REXO1: variants seen among roughly 807,000 people sequenced by gnomAD.
REXO1 encodes the protein REX1, RNA exonuclease 1 homolog.
Under a neutral mutation model 102.6 loss-of-function variants are expected in REXO1, and 42 were observed. The ratio of observed to expected loss-of-function variants is 0.41; its 90% CI spans 0.32 to 0.53. REXO1 has a LOEUF of 0.53. Ranked by LOEUF, REXO1 falls within the 20% of genes least tolerant of loss-of-function variation. REXO1 has a pLI of 0.27. For missense variants in REXO1, 1,819 were observed against 1,732.5 expected (o/e 1.05, Z -0.89); for synonymous variants, 908 against 779.1 (o/e 1.17, Z -2.76).
At position 1,826,017 on chromosome 19, in the gene REXO1, C is replaced by T. The variant is rs946035741; in HGVS notation, c.1912-74G>A. 4 of 1,093,292 alleles carry T rather than the reference C, an allele frequency of 3.7e-6. No homozygotes were observed. Among genetic ancestry groups the T allele is most frequent in the Non-Finnish European group, 5.6e-6 (4 of 715,116 alleles). The allele number at this position is 1,093,292 out of a possible 1,614,324, so 67.7% of individuals were successfully genotyped here. A position where few individuals can be genotyped will look rare whatever the true frequency, so the allele number is the denominator to read the frequency against. ...ACCAACACACCCCAACCTCAAACTG[C>T]CCCCGGCAAGTGGGGAATGGAACAG... On this transcript the variant is annotated intron_variant, in intron 2 of 15. Coordinates refer to ENST00000170168, the MANE Select transcript of REXO1 (RefSeq NM_020695.4). This position sits in a 1 kb window ranked among gnomAD's most constrained non-coding sequence, Gnocchi z 4.3.
At chr19:1,844,878 C>A (rs74570117) in intron 1 of REXO1, among the ~76,000 whole-genome samples, 2,085 of 152,332 alleles carry the variant, frequency 0.014, 48 homozygotes, top group African/African-American at 0.048. Context: ...TCAGCCTCTG[C>A]CTCCCTCAGG....
At chr19:1,825,009 A>G (rs1039190217) in intron 3 of REXO1, among the ~76,000 whole-genome samples, 1 of 144,488 alleles carries the variant, frequency 6.9e-6, no homozygotes, top group Non-Finnish European at 1.5e-5. Flanking sequence ...CTGGTCTCGA[A>G]CTCCTGACCT....
chr19:1,817,304 T>TCC lies in REXO1; in HGVS notation c.3114_3115dup (p.Glu1039GlyfsTer8). ...GGTCTTCACGAAGCCCTCAAGGCGC[T>TCC]CCTTCCGGCCATCCTGCACGTGTTG... On this transcript the variant is annotated frameshift_variant, in exon 12 of 16. Coordinates refer to ENST00000170168, the MANE Select transcript of REXO1 (RefSeq NM_020695.4). LOFTEE classifies it high-confidence loss of function. The TCC allele has an allele frequency of 6.2e-7, 1 of 1,612,890 alleles. No homozygotes were observed. The highest frequency in any genetic ancestry group is 1.1e-5 in the South Asian group (1 of 91,084).
At chr19:1,843,518 A>C (rs2011394592) in intron 1 of REXO1, among the ~76,000 whole-genome samples, 1 of 152,192 alleles carries the variant, frequency 6.6e-6, no homozygotes, top group Non-Finnish European at 1.5e-5. Context: ...CAGTGTCCCT[A>C]GCACCAACCG....
chr19:1,840,463 G>T (rs529940860), intron 1 of REXO1, among the ~76,000 whole-genome samples: 32 of 152,106 alleles, frequency 2.1e-4, no homozygotes, highest in Non-Finnish European at 3.5e-4. Context: ...GAGCCCCATC[G>T]GCGGCAAGCT....
intron 1 of REXO1, among the ~76,000 whole-genome samples, chr19:1,843,810 T>G (rs1178758604): frequency 1.3e-5 from 2 of 152,216 alleles, no homozygotes; most frequent in Admixed American, 6.5e-5. Flanking sequence ...GTGCCTTCAC[T>G]GCCCCACGGA....
chr19:1,828,849 C>T (rs1402903798), intron 1 of REXO1, among the ~76,000 whole-genome samples: 4 of 152,244 alleles, frequency 2.6e-5, no homozygotes, highest in East Asian at 1.9e-4. Flanking sequence ...GACCAATGGG[C>T]GCTGGATGGG....
intron 1 of REXO1, among the ~76,000 whole-genome samples, chr19:1,845,720 G>A (rs1052209888): frequency 1.3e-5 from 2 of 152,178 alleles, no homozygotes; most frequent in Non-Finnish European, 2.9e-5. Context: ...GAGCCCAGAA[G>A]GAAACCTGAG....
In REXO1 at chr19:1,828,301, G is replaced by A. The variant is rs1345055554; in HGVS notation, c.488C>T (p.Ala163Val). ...PGSHGLLSPD[A>V]GYQPTPLAAP... ...GGCCAGTGGGGTGGGCTGGTAGCCGGCATCAGGGCTTAATAGGCCGTGGCT... is the reference window on the plus strand; with the variant it reads ...GGCCAGTGGGGTGGGCTGGTAGCCGACATCAGGGCTTAATAGGCCGTGGCT... Residue 163 changes from alanine to valine, a missense_variant, in exon 2 of 16, where the codon GCC (alanine) becomes GTC (valine). By Grantham distance (64) the Ala-to-Val change is moderately conservative (BLOSUM62 0). Coordinates refer to ENST00000170168, the MANE Select transcript of REXO1 (RefSeq NM_020695.4). The A allele has an allele frequency of 1.2e-6, 2 of 1,607,678 alleles. No individual in the cohort carries two copies. The highest frequency in any genetic ancestry group is 4.5e-5 in the East Asian group (2 of 44,726).
rs1312178327 is a variant in REXO1, at chr19:1,820,380, TG to T, written c.2409del (p.Ile804LeufsTer37). 6.2e-7 allele frequency: 1 copy of T among 1,613,346 alleles called. No homozygotes were observed. Among genetic ancestry groups the T allele is most frequent in the Non-Finnish European group, 8.5e-7 (1 of 1,179,856 alleles). Reference protein sequence around the residue: ...HSPSLQSLKKPIIPKEFGGKV... With the variant: ...HSPSLQSLKKXIIPKEFGGKV... ...TTGCCCCCAAACTCTTTGGGGATAA[TG>T]GGTTTCTTTAAACTCTAGAGGGAAG... is the stretch of plus-strand genomic sequence containing the variant. On this transcript the variant is annotated frameshift_variant, in exon 6 of 16. Transcript: ENST00000170168. LOFTEE classifies it high-confidence loss of function.
At position 1,817,629 on chromosome 19, in the gene REXO1, C is replaced by A; in HGVS notation, c.3090+78G>T. The A allele has an allele frequency of 3.3e-6, 5 of 1,501,718 alleles. No homozygotes were observed. In the Admixed American group the frequency reaches 9.8e-5, roughly 29 times the overall value. The allele number at this position is 1,501,718 out of a possible 1,614,324, so 93.0% of individuals were successfully genotyped here. A position where few individuals can be genotyped will look rare whatever the true frequency, so the allele number is the denominator to read the frequency against. On this transcript the variant is annotated intron_variant, in intron 11 of 15. Transcript: ENST00000170168. ...CCCTGAGCCCAGGACTGTGCTGTGT[C>A]CCGAGACCCCACACCAACGATGGGG... is the stretch of plus-strand genomic sequence containing the variant.
chr19:1,816,506 G>A lies in REXO1; in HGVS notation c.3381C>T (p.Ala1127=), dbSNP rs140011325. Residue 1127 remains alanine (A), a synonymous_variant, in exon 14 of 16, where the codon GCC becomes GCT. Coordinates refer to ENST00000170168, the MANE Select transcript of REXO1 (RefSeq NM_020695.4). ...DTSVTLRDVQ[A]VLLSMFSADT... is the part of the protein sequence containing the mutation. The stretch of plus-strand genomic sequence containing the variant: ...CAGCGCTGAACATGCTCAGCAGAAC[G>A]GCCTGGACGTCACGCAGCGTGACAC... 19 of 1,612,292 alleles carry A rather than the reference G, an allele frequency of 1.2e-5. No homozygotes were observed. The highest frequency in any genetic ancestry group is 5.3e-5 in the African/African-American group (4 of 74,878).
chr19:1,819,375 CAA>C (rs2069466421), intron 7 of REXO1, among the ~76,000 whole-genome samples: 1 of 152,204 alleles, frequency 6.6e-6, no homozygotes, highest in African/African-American at 2.4e-5. Flanking sequence ...GCCCCACACC[CAA>C]AGTCTTCGTC....
chr19:1,845,925 G>A (rs1467531836), intron 1 of REXO1, among the ~76,000 whole-genome samples: 1 of 152,162 alleles, frequency 6.6e-6, no homozygotes, highest in Non-Finnish European at 1.5e-5. Context: ...TGGCCAGGTG[G>A]TAGTATGGGC....
At chr19:1,829,870 T>C (rs2145292461) in intron 1 of REXO1, among the ~76,000 whole-genome samples, 1 of 152,264 alleles carries the variant, frequency 6.6e-6, no homozygotes, top group Non-Finnish European at 1.5e-5. Context: ...TTTGAACTCG[T>C]AGACTCAAGC....
At position 1,827,438 on chromosome 19, in the gene REXO1, G is replaced by A. The variant is rs1462050467; in HGVS notation, c.1351C>T (p.Pro451Ser). The change falls in exon 2 of 16, where the codon CCT becomes TCT. Residue 451 changes from proline (P) to serine (S), a missense_variant. Transcript: ENST00000170168. ...CTCGGCCGCCGCGCTGGCCGGTCAG[G>A]CCTCCCTTTCCCTGAGGTGGCCACA... is the stretch of plus-strand genomic sequence containing the variant. ...TPVATSGKGR[P>S]DRPARRPSPT... is the part of the protein sequence containing the mutation. 3.2e-6 allele frequency: 5 copies of A among 1,556,454 alleles called. No individual in the cohort carries two copies. Among genetic ancestry groups the A allele is most frequent in the Non-Finnish European group, 4.3e-6 (5 of 1,161,684 alleles).
At chr19:1,817,105 G>T (rs553592740) in intron 12 of REXO1, 114 bp downstream of exon 12, 2 of 1,304,290 alleles carry the variant, frequency 1.5e-6, no homozygotes, top group Non-Finnish European at 2.1e-6. Context: ...TGCTGCGAGA[G>T]AAACCCTGAG....
Position 1,818,615 on chromosome 19 carries a change from T to C in REXO1, c.2903-20A>G, listed in dbSNP as rs756163334. 86 of 1,607,758 alleles carry C rather than the reference T, an allele frequency of 5.3e-5. No individual in the cohort carries two copies. The South Asian group carries it at 8.7e-4, about 16-fold the overall frequency. On this transcript the variant is annotated intron_variant, in intron 9 of 15. Coordinates refer to ENST00000170168, the MANE Select transcript of REXO1 (RefSeq NM_020695.4). Reference sequence around the variant, plus strand: ...AGGAAGCTGTGGGTGGGGACCCAGGTGGAAGCTGAGGCTCACGCTGGGGCC... The same window carrying C: ...AGGAAGCTGTGGGTGGGGACCCAGGCGGAAGCTGAGGCTCACGCTGGGGCC...
chr19:1,848,226 C>T lies in REXO1; in HGVS notation c.133G>A (p.Gly45Ser). 1 of 1,226,820 alleles carries T rather than the reference C, an allele frequency of 8.2e-7. No homozygotes were observed. Among genetic ancestry groups the T allele is most frequent in the Non-Finnish European group, 1.0e-6 (1 of 981,508 alleles). 76.0% of individuals were successfully genotyped at this position (1,226,820 alleles called of 1,614,324 possible). ...CCTGCTGCGGGGGGCGCCTCTCCGCCGTCACCGGGCGCGCCGGAGCCCCGG... is the reference window on the plus strand; with the variant it reads ...CCTGCTGCGGGGGGCGCCTCTCCGCTGTCACCGGGCGCGCCGGAGCCCCGG... ...GARGSGAPGD[G>S]GEAPPAAGLG... Residue 45 changes from glycine (G) to serine (S), a missense_variant, in exon 1 of 16, where the codon GGC (glycine) becomes AGC (serine). Physicochemically the swap from Gly to Ser is moderately conservative, Grantham distance 56. Coordinates refer to ENST00000170168, the MANE Select transcript of REXO1 (RefSeq NM_020695.4).
Sources: gnomAD v4.1 joint callset for allele counts (sites outside exome capture counted in the v4.1 genomes callset) on GRCh38, gnomAD v4.1.1 for gene constraint, Gnocchi (gnomAD v3.1) non-coding constraint, MANE v1.5 for transcripts, NCBI Gene and HGNC (gene_info 2026-07-23, HGNC 2026-07-21) for gene names.